The following LRRTM4 variants were observed in gnomAD, a reference collection of about 807,000 sequenced individuals.
LRRTM4 encodes the protein leucine-rich repeat transmembrane neuronal protein 4.
In LRRTM4, 25 loss-of-function variants were observed where a neutral mutation model predicts 47.6. The ratio of observed to expected loss-of-function variants is 0.53; its 90% CI spans 0.38 to 0.73. LRRTM4 has a LOEUF of 0.73. Ranked by LOEUF, LRRTM4 falls within the 30% of genes least tolerant of loss-of-function variation. The pLI, the probability that LRRTM4 is intolerant of heterozygous loss-of-function variation, is 0.00. For synonymous variants in LRRTM4, 311 were observed against 269.5 expected (o/e 1.15, Z -1.51); for missense variants, 638 against 713.4 (o/e 0.89, Z 1.20).
chr2:76,984,861 T>G (rs1573404295), intron 3 of LRRTM4, among the ~76,000 whole-genome samples: 1 of 152,100 alleles, frequency 6.6e-6, no homozygotes, highest in East Asian at 1.9e-4. Context: ...ATGAAAAAAT[T>G]GATGTAGACA....
intron 3 of LRRTM4, among the ~76,000 whole-genome samples, chr2:77,262,547 T>C (rs1243825662): frequency 2.0e-5 from 3 of 152,068 alleles, no homozygotes; most frequent in South Asian, 4.1e-4. Context: ...AATAACATTT[T>C]TTTTTCATGT....
intron 3 of LRRTM4, among the ~76,000 whole-genome samples, chr2:77,332,484 A>T (rs1671006597): frequency 6.6e-6 from 1 of 152,162 alleles, no homozygotes; most frequent in African/African-American, 2.4e-5. Context: ...TATGCATAGG[A>T]TAATATGAGA....
chr2:77,391,249 T>G (rs971747101), intron 3 of LRRTM4, among the ~76,000 whole-genome samples: 9 of 152,042 alleles, frequency 5.9e-5, no homozygotes, highest in Non-Finnish European at 7.4e-5. Flanking sequence ...GAAATGTGTA[T>G]GTGCTTCTAT....
intron 3 of LRRTM4, among the ~76,000 whole-genome samples, chr2:77,279,186 A>G (rs1490286357): frequency 6.6e-6 from 1 of 151,986 alleles, no homozygotes; most frequent in Non-Finnish European, 1.5e-5. Context: ...TCCTTTTATC[A>G]TTGGACAACT....
chr2:77,124,922 T>C (rs370478425), intron 3 of LRRTM4, among the ~76,000 whole-genome samples: 6 of 152,156 alleles, frequency 3.9e-5, no homozygotes, highest in African/African-American at 9.7e-5. Context: ...GGAATAAGCA[T>C]ACAGAGATGT....
intron 3 of LRRTM4, among the ~76,000 whole-genome samples, chr2:77,188,965 T>C (rs896604665): frequency 6.6e-6 from 1 of 152,182 alleles, no homozygotes; most frequent in Non-Finnish European, 1.5e-5. Flanking sequence ...CCATCTTGTT[T>C]GGTTGATAGT....
intron 3 of LRRTM4, among the ~76,000 whole-genome samples, chr2:77,053,303 A>T (rs1222194151): frequency 2.0e-5 from 3 of 152,340 alleles, no homozygotes; most frequent in Admixed American, 2.0e-4. Context: ...AATACTAAGT[A>T]AACAAAATTT....
chr2:76,880,115 A>G (rs553660620), intron 3 of LRRTM4, among the ~76,000 whole-genome samples: 4 of 152,348 alleles, frequency 2.6e-5, no homozygotes, highest in South Asian at 2.1e-4. Context: ...GGAATATCAC[A>G]TGAATTTTGT....
chr2:76,884,881 AG>A (rs1268951030), intron 3 of LRRTM4, among the ~76,000 whole-genome samples: 1 of 152,188 alleles, frequency 6.6e-6, no homozygotes, highest in Non-Finnish European at 1.5e-5. Context: ...GGTACTTTCA[AG>A]AAAATTATTG....
intron 3 of LRRTM4, among the ~76,000 whole-genome samples, chr2:77,020,817 A>G (rs1678240445): frequency 6.6e-6 from 1 of 152,214 alleles, no homozygotes; most frequent in Admixed American, 6.5e-5. Context: ...TGAGAATTCC[A>G]TGTCCAAGGA....
chr2:77,438,353 T>A (rs1435835922), intron 3 of LRRTM4, among the ~76,000 whole-genome samples: 1 of 151,514 alleles, frequency 6.6e-6, no homozygotes, highest in Non-Finnish European at 1.5e-5. Context: ...CTCAAATAGG[T>A]TGGAATCTAA....
intron 3 of LRRTM4, among the ~76,000 whole-genome samples, chr2:77,112,065 G>C (rs1458244812): frequency 6.6e-6 from 1 of 152,142 alleles, no homozygotes; most frequent in African/African-American, 2.4e-5. Context: ...GTGTAATTTA[G>C]AAAATGTGTG....
At chr2:77,034,574 C>A (rs1678772534) in intron 3 of LRRTM4, among the ~76,000 whole-genome samples, 2 of 151,838 alleles carry the variant, frequency 1.3e-5, no homozygotes, top group African/African-American at 4.8e-5. Flanking sequence ...TTCTCACAGT[C>A]TGGAGTTTGT....
chr2:77,374,199 G>C (rs964726710), intron 3 of LRRTM4, among the ~76,000 whole-genome samples: 2 of 151,818 alleles, frequency 1.3e-5, no homozygotes, highest in Non-Finnish European at 2.9e-5. Flanking sequence ...GAAAATAAAA[G>C]ACTGAAATTA....
chr2:77,332,852 C>T (rs779839873), intron 3 of LRRTM4, among the ~76,000 whole-genome samples: 2 of 152,114 alleles, frequency 1.3e-5, no homozygotes, highest in Non-Finnish European at 2.9e-5. Context: ...GAAGCTCTCA[C>T]CTCACAGTAC....
intron 3 of LRRTM4, among the ~76,000 whole-genome samples, chr2:77,204,745 G>A (rs759512098): frequency 1.2e-4 from 19 of 152,132 alleles, no homozygotes; most frequent in Non-Finnish European, 2.2e-4. Context: ...CATGAAGGTA[G>A]CAGCCTCTTC....
chr2:76,751,449 C>T (rs1030942259), intron 3 of LRRTM4, among the ~76,000 whole-genome samples: 1 of 152,074 alleles, frequency 6.6e-6, no homozygotes, highest in South Asian at 2.1e-4. Context: ...AAAATACATA[C>T]TAGGTCAGAG....
chr2:76,804,423 A>C (rs1036263867), intron 3 of LRRTM4, among the ~76,000 whole-genome samples: 3 of 152,072 alleles, frequency 2.0e-5, no homozygotes, highest in Non-Finnish European at 2.9e-5. Context: ...ATTCATAAAC[A>C]GAAAACACTG....
At chr2:76,904,507 A>G (rs1673753953) in intron 3 of LRRTM4, among the ~76,000 whole-genome samples, 1 of 152,224 alleles carries the variant, frequency 6.6e-6, no homozygotes. Flanking sequence ...TCCTTCTTAG[A>G]GAGCTTGAGA....
Sources: allele counts gnomAD v4.1 joint callset (sites outside exome capture counted in the v4.1 genomes callset), GRCh38; gene constraint gnomAD v4.1.1; transcripts MANE v1.5; gene names NCBI Gene and HGNC (gene_info 2026-07-23, HGNC 2026-07-21).